ELL2: variants seen among roughly 807,000 people sequenced by gnomAD.
ELL2 encodes elongation factor for RNA polymerase II 2, also known as RNA polymerase II elongation factor ELL2.
ELL2 carries 21 observed loss-of-function variants against 72.8 expected under a neutral mutation model. That is an observed-to-expected ratio of 0.29 (90% CI 0.20 to 0.42). The LOEUF is 0.42. ELL2 is among the 10% of genes least tolerant of loss of function. The probability of loss-of-function intolerance (pLI) is 1.00; values close to 1 mark genes in which losing one functional copy is unlikely to be tolerated. For synonymous variants in ELL2, 266 were observed against 283.2 expected (o/e 0.94, Z 0.61); for missense variants, 568 against 772.8 (o/e 0.73, Z 3.14).
At chr5:95,957,910 C>A (rs913946546) in intron 1 of ELL2, among the ~76,000 whole-genome samples, 1 of 152,200 alleles carries the variant, frequency 6.6e-6, no homozygotes, top group Non-Finnish European at 1.5e-5. Context: ...TTTAAATTCA[C>A]TTCTCTGAAG....
intron 1 of ELL2, among the ~76,000 whole-genome samples, chr5:95,955,637 A>G (rs773184064): frequency 3.4e-4 from 51 of 152,206 alleles, no homozygotes; most frequent in Non-Finnish European, 7.4e-5. Context: ...ACATTAATTT[A>G]TTATATTCTA....
chr5:95,889,733 T>C (rs1295259349), intron 10 of ELL2, among the ~76,000 whole-genome samples: 1 of 152,204 alleles, frequency 6.6e-6, no homozygotes, highest in East Asian at 1.9e-4. Flanking sequence ...AAACCTTAGA[T>C]TCAATTAAAT....
chr5:95,927,007 T>C (rs982584202), intron 2 of ELL2, among the ~76,000 whole-genome samples: 36 of 152,174 alleles, frequency 2.4e-4, no homozygotes, highest in Non-Finnish European at 1.0e-4. Context: ...TAAATGTTAG[T>C]GTTTCTGGTA....
intron 4 of ELL2, among the ~76,000 whole-genome samples, chr5:95,910,265 TAAG>T (rs1749534113): frequency 1.3e-5 from 2 of 151,788 alleles, no homozygotes; most frequent in South Asian, 4.2e-4. Flanking sequence ...AAAAAAATAA[TAAG>T]GAGGGTGGGC....
rs899116623 is a variant in ELL2, at chr5:95,885,930, A to T, written c.*2941T>A. On this transcript the variant is annotated 3_prime_UTR_variant, in exon 12 of 12. Transcript: ENST00000237853. ...AGGAAATGCAATACCTATATATTTT[A>T]AAAAGCCCACATCTAGTTAATGTTC... 2.6e-5 allele frequency: 4 copies of T among 152,360 alleles called. No individual in the cohort carries two copies. Among genetic ancestry groups the T allele is most frequent in the African/African-American group, 2.4e-5 (1 of 41,582 alleles). The allele number at this position is 152,360 out of a possible 1,614,324, so 9.4% of individuals were successfully genotyped here.
At chr5:95,927,636 CGTGTGT>C (rs1750403817) in intron 2 of ELL2, among the ~76,000 whole-genome samples, 2 of 42,010 alleles carry the variant, frequency 4.8e-5, no homozygotes, top group African/African-American at 1.5e-4. Flanking sequence ...TACACACACA[CGTGTGT>C]ATATAGACAT....
intron 2 of ELL2, among the ~76,000 whole-genome samples, chr5:95,925,757 T>C (rs1750258529): frequency 1.3e-5 from 2 of 152,244 alleles, no homozygotes; most frequent in South Asian, 4.1e-4. Flanking sequence ...CTTTCTTTGC[T>C]GTGGGTCTTT....
At chr5:95,956,745 CAG>C (rs1751642045) in intron 1 of ELL2, among the ~76,000 whole-genome samples, 2 of 152,214 alleles carry the variant, frequency 1.3e-5, no homozygotes, top group South Asian at 4.1e-4. Context: ...CCTATGGACT[CAG>C]TGATTTAACA....
At chr5:95,950,928 A>ATAT (rs1284638917) in intron 1 of ELL2, among the ~76,000 whole-genome samples, 1 of 126,348 alleles carries the variant, frequency 7.9e-6, no homozygotes, top group East Asian at 2.0e-4. Context: ...ATATATATAT[A>ATAT]TATATATATA....
chr5:95,904,784 TA>T lies in ELL2; in HGVS notation c.741+1738del, dbSNP rs377370354. ...CAGTTTTATTAGAGCAAAGTCATTT[TA>T]TTTTTTTTTGTTAGCTGCTAGCAAT... On this transcript the variant is annotated intron_variant, in intron 5 of 11. Transcript: ENST00000237853. Among the ~76,000 whole-genome samples, 373 of 151,320 alleles carry T rather than the reference TA, an allele frequency of 2.5e-3. 3 individuals are homozygous for T. Among genetic ancestry groups the T allele is most frequent in the Middle Eastern group, 0.01 (3 of 294 alleles).
chr5:95,948,302 C>A (rs538666015), intron 1 of ELL2, among the ~76,000 whole-genome samples: 3 of 151,858 alleles, frequency 2.0e-5, no homozygotes, highest in Non-Finnish European at 2.9e-5. Context: ...GTGGTGTGGG[C>A]ACCTGTAATC....
At chr5:95,957,708 G>A (rs3777162) in intron 1 of ELL2, among the ~76,000 whole-genome samples, 48,473 of 151,910 alleles carry the variant, frequency 0.32, 9,093 homozygotes, top group African/African-American at 0.53. Flanking sequence ...TAAAAATAGG[G>A]AACCTGAATA....
chr5:95,927,678 T>TACACACACACGTGTGTATATAGACATAC (rs1750412135), intron 2 of ELL2, among the ~76,000 whole-genome samples: 2 of 51,272 alleles, frequency 3.9e-5, no homozygotes, highest in Admixed American at 3.3e-4. Flanking sequence ...TATATAGACA[T>TACACACACACGTGTGTATATAGACATAC]ACACACACAC....
At chr5:95,924,839 G>A (rs1316273126) in intron 2 of ELL2, among the ~76,000 whole-genome samples, 4 of 152,138 alleles carry the variant, frequency 2.6e-5, no homozygotes, top group Admixed American at 2.0e-4. Flanking sequence ...AAGTCAAAAC[G>A]TCTAATTACT....
chr5:95,919,677 A>G, intron 2 of ELL2, 132 bp from the exon 3 acceptor site: 2 of 1,008,998 alleles, frequency 2.0e-6, no homozygotes, highest in Non-Finnish European at 2.7e-6. Context: ...ACATCCTCGC[A>G]GCATTTAAAT....
In ELL2 at chr5:95,931,728, G is replaced by A. The variant is rs959630253; in HGVS notation, c.195+11274C>T. On this transcript the variant is annotated intron_variant, in intron 2 of 11. Coordinates refer to ENST00000237853, the MANE Select transcript of ELL2 (RefSeq NM_012081.6). ...CTAAAACAGGTGTCCATGGAAGGCTGAAAAATTACAGATGCCTGCTGCTCC... is the reference window on the plus strand; with the variant it reads ...CTAAAACAGGTGTCCATGGAAGGCTAAAAAATTACAGATGCCTGCTGCTCC... Among the ~76,000 whole-genome samples, 2 of 131,842 alleles carry A rather than the reference G, an allele frequency of 1.5e-5. 1 individual carries two copies. Among genetic ancestry groups the A allele is most frequent in the Admixed American group, 1.7e-4 (2 of 11,544 alleles). 86.5% of individuals were successfully genotyped at this position (131,842 alleles called of 152,430 possible). A position where few individuals can be genotyped will look rare whatever the true frequency, so the allele number is the denominator to read the frequency against.
chr5:95,946,200 G>A (rs559739557), intron 1 of ELL2, among the ~76,000 whole-genome samples: 2 of 152,304 alleles, frequency 1.3e-5, no homozygotes, highest in African/African-American at 4.8e-5. Context: ...AGTCCGGGCG[G>A]ATGCTTTAGA....
chr5:95,950,366 C>A (rs1751327286), intron 1 of ELL2, among the ~76,000 whole-genome samples: 1 of 151,886 alleles, frequency 6.6e-6, no homozygotes, highest in Non-Finnish European at 1.5e-5. Flanking sequence ...TATATTTTAA[C>A]CACTGTAATA....
chr5:95,916,504 C>T (rs762693939), intron 3 of ELL2, among the ~76,000 whole-genome samples: 2 of 152,104 alleles, frequency 1.3e-5, no homozygotes, highest in Non-Finnish European at 2.9e-5. Context: ...ACAGACGCTT[C>T]AAGCAGGAGA....
Sources: allele counts gnomAD v4.1 joint callset (sites outside exome capture counted in the v4.1 genomes callset), GRCh38; gene constraint gnomAD v4.1.1; transcripts MANE v1.5; gene names NCBI Gene and HGNC (gene_info 2026-07-23, HGNC 2026-07-21).